KLHL29: variants seen among roughly 807,000 people sequenced by gnomAD.
The protein encoded by KLHL29 is kelch like family member 29.
Under a neutral mutation model 80.4 loss-of-function variants are expected in KLHL29, and 21 were observed. The observed-to-expected ratio is 0.26, with a 90% CI of 0.19 to 0.38. The LOEUF (loss-of-function observed/expected upper bound fraction) is 0.38, where lower values mean the gene tolerates loss of function less well. KLHL29 is among the 10% of genes least tolerant of loss of function. The pLI is 1.00. For synonymous variants in KLHL29, 511 were observed against 526.8 expected (o/e 0.97, Z 0.41); for missense variants, 867 against 1,223.9 (o/e 0.71, Z 4.35).
chr2:23,675,579 C>T (rs1047635453), intron 5 of KLHL29, among the ~76,000 whole-genome samples: 1 of 152,226 alleles, frequency 6.6e-6, no homozygotes. Flanking sequence ...TTCTGCAGAG[C>T]GACCTCAAGG....
At chr2:23,501,526 G>T (rs969878632) in intron 2 of KLHL29, among the ~76,000 whole-genome samples, 1 of 152,132 alleles carries the variant, frequency 6.6e-6, no homozygotes, top group Non-Finnish European at 1.5e-5. Flanking sequence ...CGATGTTCAG[G>T]TTGAAGAGCC....
In KLHL29 at chr2:23,684,945, G is replaced by A. The variant is rs997983672; in HGVS notation, c.1079+408G>A. 3.9e-5 allele frequency among the ~76,000 whole-genome samples: 6 copies of A among 152,190 alleles called. No individual in the cohort carries two copies. Among genetic ancestry groups the A allele is most frequent in the East Asian group, 3.8e-4 (2 of 5,200 alleles). On this transcript the variant is annotated intron_variant, in intron 6 of 13. Coordinates refer to ENST00000486442, the MANE Select transcript of KLHL29 (RefSeq NM_052920.2). This position sits in a 1 kb window ranked among gnomAD's most constrained non-coding sequence, Gnocchi z 4.4. ...CCAGAGCAGGATCCCCAGTGCCATCGTCCCTGCTGTCGGTGGTGACTAATG... is the reference window on the plus strand; with the variant it reads ...CCAGAGCAGGATCCCCAGTGCCATCATCCCTGCTGTCGGTGGTGACTAATG...
chr2:23,556,056 A>AGTGAC (rs1667282972), intron 2 of KLHL29, among the ~76,000 whole-genome samples: 1 of 152,216 alleles, frequency 6.6e-6, no homozygotes, highest in African/African-American at 2.4e-5. Flanking sequence ...AGGAGCTCCC[A>AGTGAC]GTGACGTGTT....
intron 3 of KLHL29, among the ~76,000 whole-genome samples, chr2:23,581,524 G>T (rs956528985): frequency 2.0e-5 from 3 of 152,134 alleles, no homozygotes; most frequent in African/African-American, 7.2e-5. Flanking sequence ...CATTGTGCTG[G>T]GGCTTTTTAA....
intron 1 of KLHL29, among the ~76,000 whole-genome samples, chr2:23,434,850 G>T (rs982012552): frequency 1.3e-5 from 2 of 152,166 alleles, no homozygotes; most frequent in Admixed American, 1.3e-4. Context: ...GCCCAGCATC[G>T]TGTGGTCGAG....
chr2:23,595,067 G>A (rs758245908), intron 3 of KLHL29, among the ~76,000 whole-genome samples: 2 of 152,146 alleles, frequency 1.3e-5, no homozygotes, highest in Admixed American at 6.5e-5. Flanking sequence ...CAACAGAGAC[G>A]GAGTGTTTGG....
At chr2:23,678,405 TTCAC>T (rs1476695709) in intron 5 of KLHL29, among the ~76,000 whole-genome samples, 1 of 152,162 alleles carries the variant, frequency 6.6e-6, no homozygotes, top group Non-Finnish European at 1.5e-5. Flanking sequence ...TTTGCTCACT[TTCAC>T]TCACTCTCCG....
rs118170517 is a variant in KLHL29 at position 23,513,042 on chromosome 2, G to A, written c.-46+37375G>A. Among the ~76,000 whole-genome samples, 5 of 152,366 alleles carry A rather than the reference G, an allele frequency of 3.3e-5. No individual in the cohort carries two copies. In the East Asian group the frequency reaches 7.7e-4, roughly 23 times the overall value. ...CAGCCATCCTTGGCATGCTTCACGC[G>A]TGGTGACCCCCAAGAGGGGAGAAGG... On this transcript the variant is annotated intron_variant, in intron 2 of 13. Coordinates refer to ENST00000486442, the MANE Select transcript of KLHL29 (RefSeq NM_052920.2).
At chr2:23,459,349 G>A (rs1408985687) in intron 1 of KLHL29, among the ~76,000 whole-genome samples, 1 of 152,136 alleles carries the variant, frequency 6.6e-6, no homozygotes, top group Non-Finnish European at 1.5e-5. Context: ...GGTGGGACTG[G>A]AGAGAATATG....
chr2:23,468,549 C>A (rs1357696294), intron 1 of KLHL29, among the ~76,000 whole-genome samples: 3 of 152,232 alleles, frequency 2.0e-5, no homozygotes, highest in Non-Finnish European at 4.4e-5. Flanking sequence ...CACCGCCCCC[C>A]TCCCCGCCGA....
At chr2:23,638,085 T>TAAAA (rs553356362) in intron 3 of KLHL29, among the ~76,000 whole-genome samples, 2 of 111,592 alleles carry the variant, frequency 1.8e-5, no homozygotes, top group Non-Finnish European at 3.6e-5. Flanking sequence ...ATGGCCATAG[T>TAAAA]AAAAAAAAAA....
At chr2:23,458,618 A>G (rs1262110527) in intron 1 of KLHL29, among the ~76,000 whole-genome samples, 1 of 152,228 alleles carries the variant, frequency 6.6e-6, no homozygotes, top group African/African-American at 2.4e-5. Context: ...CCAGGATGGT[A>G]TGTGGCAACC....
chr2:23,439,623 G>A (rs570950902), intron 1 of KLHL29, among the ~76,000 whole-genome samples: 7 of 152,312 alleles, frequency 4.6e-5, no homozygotes, highest in Admixed American at 2.6e-4. Context: ...GAGCAGTCTC[G>A]AGTGAGTTTC....
chr2:23,589,462 C>T (rs770012944), intron 3 of KLHL29, among the ~76,000 whole-genome samples: 1 of 152,188 alleles, frequency 6.6e-6, no homozygotes, highest in Non-Finnish European at 1.5e-5. Flanking sequence ...AGGGTTATCC[C>T]GGAATCCCGC....
Position 23,691,740 on chromosome 2 carries a change from A to G in KLHL29, c.1146A>G (p.Ala382=), listed in dbSNP as rs1671622858. Residue 382 remains alanine, a synonymous_variant, in exon 7 of 14, where the codon GCA becomes GCG. Coordinates refer to ENST00000486442, the MANE Select transcript of KLHL29 (RefSeq NM_052920.2). ...KLELVLSNLQ[A]DVLELLLEFV... ...AGCTCGTCCTGTCGAACCTGCAGGC[A>G]GACGTCCTGGAGTTGCTGCTGGAGT... 6.4e-7 allele frequency: 1 copy of G among 1,551,816 alleles called. No homozygotes were observed. Among genetic ancestry groups the G allele is most frequent in the Non-Finnish European group, 8.7e-7 (1 of 1,147,026 alleles).
intron 5 of KLHL29, among the ~76,000 whole-genome samples, chr2:23,676,707 A>C (rs1670932118): frequency 6.6e-6 from 1 of 152,222 alleles, no homozygotes; most frequent in Non-Finnish European, 1.5e-5. Context: ...CCCTGGCCAA[A>C]GGCAGAAAGA....
At chr2:23,591,752 C>T (rs1668266559) in intron 3 of KLHL29, among the ~76,000 whole-genome samples, 1 of 152,174 alleles carries the variant, frequency 6.6e-6, no homozygotes, top group African/African-American at 2.4e-5. Context: ...TCCAGAGACC[C>T]CCATCCACAA....
chr2:23,513,039 C>T (rs913053456), intron 2 of KLHL29, among the ~76,000 whole-genome samples: 1 of 152,214 alleles, frequency 6.6e-6, no homozygotes, highest in South Asian at 2.1e-4. Flanking sequence ...GCATGCTTCA[C>T]GCGTGGTGAC....
intron 1 of KLHL29, among the ~76,000 whole-genome samples, chr2:23,442,749 A>T (rs1382503225): frequency 6.6e-6 from 1 of 152,256 alleles, no homozygotes; most frequent in African/African-American, 2.4e-5. Context: ...ACAACCCCAG[A>T]GTCTGTGTGG....
Sources: gnomAD v4.1 joint callset for allele counts (sites outside exome capture counted in the v4.1 genomes callset) on GRCh38, gnomAD v4.1.1 for gene constraint, Gnocchi (gnomAD v3.1) non-coding constraint, MANE v1.5 for transcripts, NCBI Gene and HGNC (gene_info 2026-07-23, HGNC 2026-07-21) for gene names.